The following NRIP1 variants were observed in gnomAD, a reference collection of about 807,000 sequenced individuals.
NRIP1 encodes nuclear receptor-interacting protein 1.
NRIP1 carries 28 observed loss-of-function variants against 75.0 expected under a neutral mutation model. The ratio of observed to expected loss-of-function variants is 0.37; its 90% CI spans 0.28 to 0.51. NRIP1 has a LOEUF of 0.51. Ranked by LOEUF, NRIP1 falls within the 20% of genes least tolerant of loss-of-function variation. NRIP1 has a pLI of 0.92. For synonymous variants in NRIP1, 526 were observed against 487.6 expected, an observed-to-expected ratio of 1.08 and a Z score of -1.04; for missense variants, 1,435 against 1,343.7, an observed-to-expected ratio of 1.07 and a Z score of -1.06.
chr21:15,001,970 C>T (rs1329201768), intron 3 of NRIP1, among the ~76,000 whole-genome samples: 1 of 152,090 alleles, frequency 6.6e-6, no homozygotes, highest in Admixed American at 6.6e-5. Flanking sequence ...GTTATGTTCC[C>T]GGTGACGCTT....
chr21:15,015,187 G>A (rs1261676641), intron 2 of NRIP1, among the ~76,000 whole-genome samples: 1 of 152,164 alleles, frequency 6.6e-6, no homozygotes, highest in Non-Finnish European at 1.5e-5. Context: ...TATTTTGTGT[G>A]ATTCCATTTG....
At chr21:15,025,371 A>C (rs1363769421) in intron 2 of NRIP1, among the ~76,000 whole-genome samples, 1 of 152,176 alleles carries the variant, frequency 6.6e-6, no homozygotes, top group Non-Finnish European at 1.5e-5. Flanking sequence ...TCAAGGGATG[A>C]CATGTCAAAA....
chr21:14,997,278 T>A (rs1388681132), intron 3 of NRIP1, among the ~76,000 whole-genome samples: 1 of 152,240 alleles, frequency 6.6e-6, no homozygotes, highest in African/African-American at 2.4e-5. Flanking sequence ...ATTTTCCAAA[T>A]CATTTATTGT....
chr21:14,965,200 C>G lies in NRIP1; in HGVS notation c.2993G>C (p.Arg998Thr). Residue 998 changes from arginine (R) to threonine (T), a missense_variant, in exon 4 of 4, where the codon AGG becomes ACG. Coordinates refer to ENST00000318948, the MANE Select transcript of NRIP1 (RefSeq NM_003489.4). ...STQPSSCMDN[R>T]TFSYPGVVKT... ...TACTACACCTGGGTATGAAAATGTC[C>G]TGTTATCCATGCAACTGCTGGGCTG... 6.2e-7 allele frequency: 1 copy of G among 1,613,798 alleles called. No individual in the cohort carries two copies.
At chr21:15,045,924 T>G (rs971209776) in intron 1 of NRIP1, among the ~76,000 whole-genome samples, 3 of 152,244 alleles carry the variant, frequency 2.0e-5, no homozygotes, top group African/African-American at 7.2e-5. Context: ...TCTCATGAGA[T>G]TATACAAATT....
intron 1 of NRIP1, among the ~76,000 whole-genome samples, chr21:15,043,811 A>G (rs962044374): frequency 5.3e-5 from 8 of 151,446 alleles, no homozygotes; most frequent in African/African-American, 1.5e-4. Context: ...ACACTACCCA[A>G]TTGTTTTTTT....
chr21:15,043,136 C>A (rs1308859711), intron 2 of NRIP1, among the ~76,000 whole-genome samples: 1 of 152,116 alleles, frequency 6.6e-6, no homozygotes, highest in Non-Finnish European at 1.5e-5. Context: ...TTTAAGACTG[C>A]CTGAATGTTT....
intron 2 of NRIP1, 95 bp from the exon 3 acceptor site, chr21:15,014,561 G>T (rs2088180721): frequency 2.5e-6 from 1 of 397,612 alleles, no homozygotes; most frequent in Non-Finnish European, 4.4e-6. Flanking sequence ...ACCTTTTCTT[G>T]TTCAAGTTCA....
intron 3 of NRIP1, among the ~76,000 whole-genome samples, chr21:14,981,250 A>C (rs78632598): frequency 6.6e-6 from 1 of 152,344 alleles, no homozygotes; most frequent in African/African-American, 2.4e-5. Context: ...CAGGCCACTT[A>C]CTTACTTTAA....
chr21:15,047,894 C>T (rs902659008), intron 1 of NRIP1, among the ~76,000 whole-genome samples: 2 of 152,218 alleles, frequency 1.3e-5, no homozygotes, highest in Non-Finnish European at 2.9e-5. Flanking sequence ...CTGAGCTTAA[C>T]CTTTTCTAGC....
intron 2 of NRIP1, among the ~76,000 whole-genome samples, chr21:15,031,688 C>T (rs1214728275): frequency 7.0e-5 from 8 of 115,082 alleles, no homozygotes; most frequent in Admixed American, 5.0e-4. Context: ...CTCTGGAAGG[C>T]GCTCGGAGGA....
At position 14,988,450 on chromosome 21, in the gene NRIP1, T is replaced by TAGAC. The variant is rs1168320663; in HGVS notation, c.-334-19925_-334-19924insGTCT. ...ATAGATAGATAGATAGATAGATAGA[T>TAGAC]AGATAGACAGACAGATAGATAGATA... On this transcript the variant is annotated intron_variant, in intron 3 of 3. Coordinates refer to ENST00000318948, the MANE Select transcript of NRIP1 (RefSeq NM_003489.4). 2.7e-5 allele frequency among the ~76,000 whole-genome samples: 4 copies of TAGAC among 146,576 alleles called. No homozygotes were observed. In the Admixed American group the frequency reaches 2.8e-4, roughly 10 times the overall value.
At chr21:15,053,141 T>C (rs2089237914) in intron 1 of NRIP1, among the ~76,000 whole-genome samples, 2 of 152,244 alleles carry the variant, frequency 1.3e-5, no homozygotes, top group Admixed American at 1.3e-4. Context: ...TACAATGATT[T>C]TGCAAAAGCA....
chr21:15,055,426 T>A (rs1481523111), intron 1 of NRIP1, among the ~76,000 whole-genome samples: 1 of 152,266 alleles, frequency 6.6e-6, no homozygotes, highest in African/African-American at 2.4e-5. Flanking sequence ...ACTGTACTAT[T>A]CTTTTTTTAA....
chr21:14,985,290 A>G (rs533284766), intron 3 of NRIP1, among the ~76,000 whole-genome samples: 4 of 152,368 alleles, frequency 2.6e-5, no homozygotes, highest in Admixed American at 2.0e-4. Context: ...GAGAATTAAA[A>G]TGATATGACA....
intron 3 of NRIP1, among the ~76,000 whole-genome samples, chr21:14,981,852 ATTTT>A (rs61171563): frequency 7.6e-6 from 1 of 131,442 alleles, no homozygotes; most frequent in Non-Finnish European, 1.6e-5. Flanking sequence ...AGTTCATTTG[ATTTT>A]TTTTTTTTTT....
chr21:15,037,524 C>T (rs1180293296), intron 2 of NRIP1, among the ~76,000 whole-genome samples: 1 of 152,052 alleles, frequency 6.6e-6, no homozygotes, highest in Non-Finnish European at 1.5e-5. Flanking sequence ...GAATGAAACG[C>T]TATGAAAAAT....
intron 3 of NRIP1, among the ~76,000 whole-genome samples, chr21:14,986,345 C>T (rs1247184038): frequency 1.3e-5 from 2 of 152,138 alleles, no homozygotes; most frequent in African/African-American, 2.4e-5. Flanking sequence ...ACAACCATTA[C>T]CCAAATAAGT....
chr21:14,992,959 T>A (rs1286821302), intron 3 of NRIP1: 3 of 153,528 alleles, frequency 2.0e-5, no homozygotes, highest in Non-Finnish European at 4.4e-5. Flanking sequence ...TACTTTTAAC[T>A]ATATAATAAA....
Sources: allele counts gnomAD v4.1 joint callset (sites outside exome capture counted in the v4.1 genomes callset), GRCh38; gene constraint gnomAD v4.1.1; transcripts MANE v1.5; gene names NCBI Gene and HGNC (gene_info 2026-07-23, HGNC 2026-07-21).